Variants in SLC4A10 observed in about 807,000 individuals in gnomAD.
The protein encoded by SLC4A10 is sodium-driven chloride bicarbonate exchanger.
Under a neutral mutation model 137.7 loss-of-function variants are expected in SLC4A10, and 42 were observed. That is an observed-to-expected ratio of 0.30 (90% CI 0.24 to 0.39). The LOEUF is 0.39. SLC4A10 is among the 10% of genes least tolerant of loss of function. The pLI, the probability that SLC4A10 is intolerant of heterozygous loss-of-function variation, is 1.00. For synonymous variants in SLC4A10, 474 were observed against 464.1 expected, an observed-to-expected ratio of 1.02 and a Z score of -0.27; for missense variants, 925 against 1,355.0, an observed-to-expected ratio of 0.68 and a Z score of 4.98.
chr2:161,770,855 C>A (rs915368541), intron 1 of SLC4A10, 118 bp from the exon 2 acceptor site: 2 of 659,112 alleles, frequency 3.0e-6, no homozygotes, highest in Non-Finnish European at 5.1e-6. Flanking sequence ...TACTCATGAA[C>A]AACTAGATTT....
At chr2:161,805,574 T>C (rs2055856288) in intron 3 of SLC4A10, among the ~76,000 whole-genome samples, 1 of 152,190 alleles carries the variant, frequency 6.6e-6, no homozygotes, top group Non-Finnish European at 1.5e-5. Flanking sequence ...ATGGGAGATA[T>C]TGGCCAAAAC....
intron 3 of SLC4A10, 118 bp from the exon 4 acceptor site, chr2:161,839,671 A>G: frequency 1.9e-6 from 2 of 1,030,338 alleles, no homozygotes; most frequent in Non-Finnish European, 2.8e-6. Flanking sequence ...GGAGCAGGGG[A>G]GGTGTGAGCT....
chr2:161,689,220 T>C (rs906171072), intron 1 of SLC4A10, among the ~76,000 whole-genome samples: 33 of 152,186 alleles, frequency 2.2e-4, no homozygotes, highest in Non-Finnish European at 7.3e-5. Flanking sequence ...AAGTGTATCG[T>C]ACGGTGTTTA....
chr2:161,707,357 T>G (rs539152580), intron 1 of SLC4A10, among the ~76,000 whole-genome samples: 34 of 151,554 alleles, frequency 2.2e-4, no homozygotes, highest in African/African-American at 8.2e-4. Context: ...AAAGTGTTCA[T>G]AGAGTCGTGA....
chr2:161,835,842 T>C (rs973820436), intron 3 of SLC4A10, among the ~76,000 whole-genome samples: 5 of 152,196 alleles, frequency 3.3e-5, no homozygotes, highest in Non-Finnish European at 7.3e-5. Context: ...GTCACATGGC[T>C]TTGTAAGGGA....
chr2:161,765,253 C>T (rs1465262711), intron 1 of SLC4A10, among the ~76,000 whole-genome samples: 1 of 151,836 alleles, frequency 6.6e-6, no homozygotes, highest in Non-Finnish European at 1.5e-5. Flanking sequence ...TGGGTCATGC[C>T]CAAAAAAATT....
chr2:161,740,867 T>TTTAAGATATA (rs1274309249), intron 1 of SLC4A10, among the ~76,000 whole-genome samples: 1 of 152,208 alleles, frequency 6.6e-6, no homozygotes, highest in Admixed American at 6.5e-5. Context: ...TCTATATATG[T>TTTAAGATATA]TTAAGATATA....
intron 3 of SLC4A10, among the ~76,000 whole-genome samples, chr2:161,805,186 C>T (rs2125603534): frequency 6.6e-6 from 1 of 152,238 alleles, no homozygotes; most frequent in East Asian, 1.9e-4. Context: ...ACTATCAGAT[C>T]TCATGAGACT....
chr2:161,843,165 T>A (rs1311660509), intron 4 of SLC4A10, among the ~76,000 whole-genome samples: 1 of 152,178 alleles, frequency 6.6e-6, no homozygotes, highest in East Asian at 1.9e-4. Flanking sequence ...ATCTTACAGA[T>A]CAAATAGTGA....
chr2:161,971,677 A>C (rs1008037315), intron 23 of SLC4A10, among the ~76,000 whole-genome samples: 2 of 152,124 alleles, frequency 1.3e-5, no homozygotes, highest in African/African-American at 4.8e-5. Context: ...AGAAAGCCTC[A>C]ATTTTTGGCT....
At chr2:161,768,767 C>T (rs1293744119) in intron 1 of SLC4A10, among the ~76,000 whole-genome samples, 1 of 151,962 alleles carries the variant, frequency 6.6e-6, no homozygotes, top group Non-Finnish European at 1.5e-5. Context: ...TATATGGTAA[C>T]TACACCCATC....
chr2:161,904,759 T>C lies in SLC4A10; in HGVS notation c.1618-17T>C. On this transcript the variant is annotated splice_polypyrimidine_tract_variant and intron_variant, in intron 13 of 26. Transcript: ENST00000446997. Reference sequence around the variant, plus strand: ...CTGTACAGCTTAGGTAATTGAACCATTTATATCTCTACACAGAGTGCAATT... The same window carrying C: ...CTGTACAGCTTAGGTAATTGAACCACTTATATCTCTACACAGAGTGCAATT... 1 of 1,613,480 alleles carries C rather than the reference T, an allele frequency of 6.2e-7. No homozygotes were observed. Among genetic ancestry groups the C allele is most frequent in the Non-Finnish European group, 8.5e-7 (1 of 1,179,648 alleles).
intron 2 of SLC4A10, among the ~76,000 whole-genome samples, chr2:161,782,633 A>G (rs2053170309): frequency 2.0e-5 from 3 of 150,932 alleles, no homozygotes; most frequent in African/African-American, 4.9e-5. Context: ...GAATTTCAGC[A>G]AAGAGATAGA....
intron 3 of SLC4A10, among the ~76,000 whole-genome samples, chr2:161,821,693 G>A (rs1246884600): frequency 6.6e-6 from 1 of 152,122 alleles, no homozygotes; most frequent in African/African-American, 2.4e-5. Context: ...CATGAAATAT[G>A]TAATACTATT....
At chr2:161,777,931 T>C (rs1467632994) in intron 2 of SLC4A10, among the ~76,000 whole-genome samples, 3 of 152,028 alleles carry the variant, frequency 2.0e-5, no homozygotes, top group Non-Finnish European at 4.4e-5. Context: ...ACAGTTTTAC[T>C]CATTACATCT....
At chr2:161,796,670 C>T (rs1011119896) in intron 2 of SLC4A10, among the ~76,000 whole-genome samples, 3 of 152,132 alleles carry the variant, frequency 2.0e-5, no homozygotes, top group African/African-American at 7.2e-5. Flanking sequence ...ATGTATTTTT[C>T]ATTTGTAAAC....
At chr2:161,768,484 C>A (rs1459245190) in intron 1 of SLC4A10, among the ~76,000 whole-genome samples, 1 of 151,986 alleles carries the variant, frequency 6.6e-6, no homozygotes, top group African/African-American at 2.4e-5. Context: ...GTAGCAAGAT[C>A]CTTTCTCTAG....
At chr2:161,769,038 T>C (rs2051237465) in intron 1 of SLC4A10, among the ~76,000 whole-genome samples, 1 of 151,944 alleles carries the variant, frequency 6.6e-6, no homozygotes, top group Admixed American at 6.6e-5. Flanking sequence ...AACATTTCAG[T>C]TTTCCTAAGC....
rs542513050 is a variant in SLC4A10 at position 161,774,811 on chromosome 2, A to G, written c.130+3757A>G. 4.2e-4 allele frequency among the ~76,000 whole-genome samples: 64 copies of G among 151,924 alleles called. 3 individuals carry two copies. The South Asian group carries it at 0.012, about 29-fold the overall frequency. ...CAAATTCTGCTCCCCATAATCCTTC[A>G]GTGTTGTTATTGCTGACAGTTATCT... On this transcript the variant is annotated intron_variant, in intron 2 of 26. Transcript: ENST00000446997.
Sources: allele counts gnomAD v4.1 joint callset (sites outside exome capture counted in the v4.1 genomes callset), GRCh38; gene constraint gnomAD v4.1.1; transcripts MANE v1.5; gene names NCBI Gene and HGNC (gene_info 2026-07-23, HGNC 2026-07-21).